Variants in PHKB observed in about 807,000 individuals in gnomAD.
The protein encoded by PHKB is phosphorylase b kinase regulatory subunit beta.
A neutral mutation model predicts 152.1 loss-of-function variants in PHKB; 122 were observed. The ratio of observed to expected loss-of-function variants is 0.80; its 90% CI spans 0.69 to 0.93. PHKB has a LOEUF of 0.93. Ranked by LOEUF, PHKB falls within the 40% of genes least tolerant of loss-of-function variation. The pLI is 0.00. For synonymous variants in PHKB, 436 were observed against 464.9 expected, an observed-to-expected ratio of 0.94 and a Z score of 0.80; for missense variants, 1,304 against 1,328.4, an observed-to-expected ratio of 0.98 and a Z score of 0.29.
At chr16:47,463,676 TG>T in intron 1 of PHKB, 1 of 495,334 alleles carries the variant, frequency 2.0e-6, no homozygotes, top group South Asian at 2.1e-5. Context: ...GTCTAATAAG[TG>T]GATATTATAT....
chr16:47,647,766 G>A (rs888538978), intron 16 of PHKB, among the ~76,000 whole-genome samples: 1 of 152,076 alleles, frequency 6.6e-6, no homozygotes, highest in Admixed American at 6.6e-5. Context: ...CAAAGTGCTG[G>A]GATTACAGGC....
chr16:47,615,754 A>G (rs1029185886), intron 14 of PHKB, among the ~76,000 whole-genome samples: 3 of 152,110 alleles, frequency 2.0e-5, no homozygotes, highest in Non-Finnish European at 4.4e-5. Flanking sequence ...CCTACTTCCA[A>G]TTTTTATAGT....
At chr16:47,545,851 C>T (rs1415101121) in intron 6 of PHKB, among the ~76,000 whole-genome samples, 1 of 152,182 alleles carries the variant, frequency 6.6e-6, no homozygotes, top group Non-Finnish European at 1.5e-5. Context: ...GATCTTCAAT[C>T]ACTGATACCC....
At chr16:47,535,917 G>T (rs1427088311) in intron 6 of PHKB, among the ~76,000 whole-genome samples, 6 of 152,130 alleles carry the variant, frequency 3.9e-5, no homozygotes, top group African/African-American at 1.2e-4. Context: ...AAAGGTACAT[G>T]CTTTCAAAGC....
chr16:47,572,683 G>A (rs1166169765), intron 7 of PHKB, among the ~76,000 whole-genome samples: 1 of 152,182 alleles, frequency 6.6e-6, no homozygotes, highest in Non-Finnish European at 1.5e-5. Context: ...TAGGGGAGTG[G>A]CATAGACTCT....
chr16:47,564,970 TTC>T, intron 7 of PHKB: 3 of 246,072 alleles, frequency 1.2e-5, no homozygotes, highest in Non-Finnish European at 8.1e-6. Flanking sequence ...TTTTTTTTTT[TTC>T]CCCCAGGAGA....
chr16:47,611,104 G>T (rs911436539), intron 14 of PHKB, among the ~76,000 whole-genome samples, 184 bp downstream of exon 14: 1 of 152,228 alleles, frequency 6.6e-6, no homozygotes, highest in Admixed American at 6.5e-5. Flanking sequence ...GTAGATTTCA[G>T]ATGGGTCCAA....
At chr16:47,566,153 G>A (rs1260674923) in intron 7 of PHKB, 15 of 648,738 alleles carry the variant, frequency 2.3e-5, no homozygotes, top group Admixed American at 9.8e-5. Flanking sequence ...CCCAGTCGCC[G>A]TATCAATCCA....
At chr16:47,687,147 G>A (rs1200938676) in intron 26 of PHKB, among the ~76,000 whole-genome samples, 1 of 152,024 alleles carries the variant, frequency 6.6e-6, no homozygotes, top group Admixed American at 6.5e-5. Context: ...ATTCTAAGCT[G>A]CCTCAAATGT....
chr16:47,610,887 T>C lies in PHKB; in HGVS notation c.1425T>C (p.Asp475=). Residue 475 remains aspartate, a synonymous_variant, in exon 14 of 31, where the codon GAT becomes GAC. Coordinates refer to ENST00000323584, the MANE Select transcript of PHKB (RefSeq NM_000293.3). ...TCCAGCGCTATGTCCCACTAAAGGA[T>C]CAACGTAACGTGAGCATGAGGTTTT... ...DPVQRYVPLK[D]QRNVSMRFSN... is the part of the protein sequence containing the mutation. 6.2e-7 allele frequency: 1 copy of C among 1,604,060 alleles called. No homozygotes were observed.
chr16:47,525,801 G>A (rs1161729703), intron 6 of PHKB, among the ~76,000 whole-genome samples: 1 of 152,198 alleles, frequency 6.6e-6, no homozygotes, highest in Non-Finnish European at 1.5e-5. Context: ...CCCATGTAGG[G>A]CTACACAGGG....
At chr16:47,614,540 C>A (rs1972483843) in intron 14 of PHKB, among the ~76,000 whole-genome samples, 1 of 152,082 alleles carries the variant, frequency 6.6e-6, no homozygotes, top group Non-Finnish European at 1.5e-5. Context: ...TTTAAGTTTT[C>A]ATTAGTTGGT....
At chr16:47,534,755 A>G (rs1165779956) in intron 6 of PHKB, among the ~76,000 whole-genome samples, 2 of 152,228 alleles carry the variant, frequency 1.3e-5, no homozygotes, top group African/African-American at 4.8e-5. Flanking sequence ...AAGAAGATAC[A>G]TTGACATCAT....
At position 47,660,524 on chromosome 16, in the gene PHKB, G is replaced by A; in HGVS notation, c.1990G>A (p.Val664Met). Reference protein sequence around the residue: ...DRLQTLISGAVVEQLDFLRIS... With the variant: ...DRLQTLISGAMVEQLDFLRIS... The stretch of plus-strand genomic sequence containing the variant: ...GTTTCAGACACTAATATCTGGAGCT[G>A]TGGTAGAACAACTTGATTTCCTACG... The change falls in exon 21 of 31, where the codon GTG becomes ATG. Residue 664 changes from valine to methionine, a missense_variant. By Grantham distance (21) the Val-to-Met change is conservative. Transcript: ENST00000323584. 2 of 1,613,568 alleles carry A rather than the reference G, an allele frequency of 1.2e-6. No homozygotes were observed. Among genetic ancestry groups the A allele is most frequent in the Non-Finnish European group, 8.5e-7 (1 of 1,179,542 alleles).
intron 7 of PHKB, among the ~76,000 whole-genome samples, chr16:47,548,351 G>A (rs901944457): frequency 1.3e-5 from 2 of 152,206 alleles, no homozygotes; most frequent in South Asian, 2.1e-4. Flanking sequence ...GCTCACGCCT[G>A]TAATCCGGGC....
Position 47,473,050 on chromosome 16 carries a change from TTTTG to T in PHKB, c.76+11644_76+11647del, listed in dbSNP as rs538902267. Among the ~76,000 whole-genome samples the T allele has an allele frequency of 5.5e-4, 83 of 150,872 alleles. 1 individual carries two copies. Among genetic ancestry groups the T allele is most frequent in the East Asian group, 2.1e-3 (11 of 5,142 alleles). On this transcript the variant is annotated intron_variant, in intron 1 of 30. Coordinates refer to ENST00000323584, the MANE Select transcript of PHKB (RefSeq NM_000293.3). ...TAGCTTCTAGGATCTGTGTTTTTTT[TTTTG>T]TTTGTTTGTTTGTTTGTTTTTGTTT...
intron 14 of PHKB, among the ~76,000 whole-genome samples, chr16:47,637,074 T>C (rs1972934455): frequency 6.6e-6 from 1 of 152,098 alleles, no homozygotes; most frequent in Admixed American, 6.5e-5. Flanking sequence ...GGTCTTCAGG[T>C]CTCCTTGACT....
At chr16:47,574,877 A>T in intron 7 of PHKB, among the ~76,000 whole-genome samples, 1 of 152,190 alleles carries the variant, frequency 6.6e-6, no homozygotes, top group Non-Finnish European at 1.5e-5. Flanking sequence ...ATCTGCAAAG[A>T]AACAGTTTCA....
At chr16:47,534,008 C>A (rs913917229) in intron 6 of PHKB, among the ~76,000 whole-genome samples, 1 of 152,154 alleles carries the variant, frequency 6.6e-6, no homozygotes, top group Admixed American at 6.5e-5. Flanking sequence ...TCCCAGGCCC[C>A]AAGAGTACAG....
Sources: gnomAD v4.1 joint callset for allele counts (sites outside exome capture counted in the v4.1 genomes callset) on GRCh38, gnomAD v4.1.1 for gene constraint, MANE v1.5 for transcripts, NCBI Gene and HGNC (gene_info 2026-07-23, HGNC 2026-07-21) for gene names.